The following COL6A5 variants were observed in gnomAD, a reference collection of about 807,000 sequenced individuals.
COL6A5 encodes the protein collagen type VI alpha 5 chain.
Under a neutral mutation model 65.6 loss-of-function variants are expected in COL6A5, and 48 were observed. That is an observed-to-expected ratio of 0.73 (90% CI 0.58 to 0.93). The LOEUF (loss-of-function observed/expected upper bound fraction) is 0.93, where lower values mean the gene tolerates loss of function less well. COL6A5 is among the 40% of genes least tolerant of loss of function. COL6A5 has a pLI of 0.00. For missense variants in COL6A5, 914 were observed against 928.3 expected, an observed-to-expected ratio of 0.98 and a Z score of 0.20; for synonymous variants, 291 against 322.8, an observed-to-expected ratio of 0.90 and a Z score of 1.05.
At chr3:130,446,459 T>C (rs1325539869) in intron 4 of COL6A5, among the ~76,000 whole-genome samples, 1 of 152,126 alleles carries the variant, frequency 6.6e-6, no homozygotes, top group Non-Finnish European at 1.5e-5. Context: ...AGAGGGATGT[T>C]ATTTTCAGGC....
At chr3:130,379,581 G>A in exon 4 of COL6A5, 2 of 1,551,458 alleles carry the variant, frequency 1.3e-6, no homozygotes, top group South Asian at 2.4e-5. Context: ...TTGGACTGAT[G>A]AGTTACAGCA....
Position 130,425,111 on chromosome 3 carries a change from T to C in COL6A5, c.5164-1103T>C, listed in dbSNP as rs574853566. 3.9e-5 allele frequency among the ~76,000 whole-genome samples: 6 copies of C among 152,310 alleles called. No individual in the cohort carries two copies. In the South Asian group the frequency reaches 1.2e-3, roughly 32 times the overall value. ...AATGGTCATGCATTCTTTTCTGTTA[T>C]CTGCCATAACTTGTAAAAGGAAGAA... On this transcript the variant is annotated intron_variant and NMD_transcript_variant, in intron 29 of 41. Coordinates refer to the COL6A5 transcript ENST00000312481.
At chr3:130,384,221 T>C (rs1298774952) in intron 4 of COL6A5, among the ~76,000 whole-genome samples, 1 of 152,028 alleles carries the variant, frequency 6.6e-6, no homozygotes, top group African/African-American at 2.4e-5. Context: ...TGAAGCCTAA[T>C]GTGGTTGGAA....
chr3:130,406,455 T>C (rs1936997656), intron 17 of COL6A5, 134 bp downstream of exon 17: 2 of 679,546 alleles, frequency 2.9e-6, no homozygotes, highest in East Asian at 5.4e-5. Context: ...CTATTGCTAC[T>C]GAATGTATGC....
intron 7 of COL6A5, among the ~76,000 whole-genome samples, chr3:130,481,176 C>T (rs1041778104): frequency 1.3e-5 from 2 of 152,010 alleles, no homozygotes; most frequent in African/African-American, 4.8e-5. Flanking sequence ...AGGTATTTCT[C>T]CTAATGCTAT....
At chr3:130,357,045 G>GTCT (rs1458942616) in intron 1 of COL6A5, among the ~76,000 whole-genome samples, 2 of 152,142 alleles carry the variant, frequency 1.3e-5, no homozygotes, top group African/African-American at 4.8e-5. Flanking sequence ...AATGAAAAAT[G>GTCT]TCTTTTGGGA....
chr3:130,431,475 A>G (rs1399680361), exon 1 of COL6A5: 1 of 1,549,376 alleles, frequency 6.5e-7, no homozygotes, highest in Non-Finnish European at 8.7e-7. Flanking sequence ...AAAAATGTCC[A>G]GCATATCCAA....
chr3:130,438,615 C>T (rs1471338807), intron 1 of COL6A5, among the ~76,000 whole-genome samples: 1 of 152,064 alleles, frequency 6.6e-6, no homozygotes, highest in Non-Finnish European at 1.5e-5. Context: ...TAAATATTTT[C>T]CAATGTTGAT....
chr3:130,378,445 G>C (rs141766670), intron 3 of COL6A5, among the ~76,000 whole-genome samples: 1 of 152,146 alleles, frequency 6.6e-6, no homozygotes. Flanking sequence ...CTTAGCAGCT[G>C]TAATACTTGT....
intron 4 of COL6A5, among the ~76,000 whole-genome samples, chr3:130,453,367 C>T (rs113823915): frequency 0.012 from 1,892 of 152,250 alleles, 42 homozygotes; most frequent in African/African-American, 0.043. Flanking sequence ...ATGGCTTCAG[C>T]GGGTCCCTCC....
chr3:130,363,820 T>C (rs2107624326), intron 1 of COL6A5, among the ~76,000 whole-genome samples: 1 of 152,290 alleles, frequency 6.6e-6, no homozygotes, highest in South Asian at 2.1e-4. Context: ...ATTTGTCAAT[T>C]ACACTTCAAG....
chr3:130,361,878 G>A (rs1204447422), intron 1 of COL6A5, among the ~76,000 whole-genome samples: 1 of 151,910 alleles, frequency 6.6e-6, no homozygotes, highest in Non-Finnish European at 1.5e-5. Flanking sequence ...TGTCTTCTTC[G>A]ATGAGAAGTC....
At chr3:130,439,340 TGTGTGTGTGTGTG>T (rs1709113332) in intron 1 of COL6A5, among the ~76,000 whole-genome samples, 169 bp from the exon 34 acceptor site, 2 of 5,870 alleles carry the variant, frequency 3.4e-4, no homozygotes, top group African/African-American at 4.1e-4. Context: ...AGCAGGGGAT[TGTGTGTGTGTGTG>T]TGTGTGTGTG....
At chr3:130,379,051 G>C (rs768444208) in intron 3 of COL6A5, among the ~76,000 whole-genome samples, 6 of 146,894 alleles carry the variant, frequency 4.1e-5, no homozygotes, top group Non-Finnish European at 7.4e-5. Context: ...CACTTCACTA[G>C]TAGTGAAGGT....
At chr3:130,483,446 A>C (rs1259655477) in intron 7 of COL6A5, among the ~76,000 whole-genome samples, 1 of 152,150 alleles carries the variant, frequency 6.6e-6, no homozygotes, top group East Asian at 1.9e-4. Context: ...GGATAAAGAG[A>C]AAGTTGGGCT....
At chr3:130,415,603 C>A (rs749249347) in intron 22 of COL6A5, 42 bp from the exon 23 acceptor site, 6 of 1,511,384 alleles carry the variant, frequency 4.0e-6, no homozygotes, top group Middle Eastern at 1.7e-4. Context: ...AGTAAGCTTT[C>A]ATTGACATAA....
In COL6A5 at chr3:130,398,013, T is replaced by C. The variant is rs1037028015; in HGVS notation, c.3910-17T>C. ...TATATTTAGCTTTTACACCATACCA[T>C]TTTCTTATTTCTCCAGGTGCTGCTT... On this transcript the variant is annotated splice_polypyrimidine_tract_variant and intron_variant and NMD_transcript_variant, in intron 9 of 41. Coordinates refer to the COL6A5 transcript ENST00000312481. 7 of 1,548,908 alleles carry C rather than the reference T, an allele frequency of 4.5e-6. No homozygotes were observed. The highest frequency in any genetic ancestry group is 6.1e-6 in the Non-Finnish European group (7 of 1,144,658).
At position 130,379,613 on chromosome 3, in the gene COL6A5, T is replaced by G; in HGVS notation, c.863T>G (p.Phe288Cys). The G allele has an allele frequency of 6.4e-7, 1 of 1,551,462 alleles. No individual in the cohort carries two copies. ...AGCAATAGTGCCAAGACTATTTCTT[T>G]TCTTAAATCAAGCACAACCCAATCT... Residue 288 changes from phenylalanine to cysteine, a missense_variant and NMD_transcript_variant, in exon 4 of 42, where the codon TTT becomes TGT. Physicochemically the swap from Phe to Cys is radical, Grantham distance 205. Transcript: ENST00000312481.
chr3:130,408,361 C>T (rs1937068991), intron 17 of COL6A5, among the ~76,000 whole-genome samples: 1 of 152,054 alleles, frequency 6.6e-6, no homozygotes, highest in Admixed American at 6.5e-5. Context: ...ATGAAATACG[C>T]CCTGGTCTCC....
Sources: gnomAD v4.1 joint callset for allele counts (sites outside exome capture counted in the v4.1 genomes callset) on GRCh38, gnomAD v4.1.1 for gene constraint, MANE v1.5 for transcripts, NCBI Gene and HGNC (gene_info 2026-07-23, HGNC 2026-07-21) for gene names.